CAMTA1: variants seen among roughly 807,000 people sequenced by gnomAD.
The protein encoded by CAMTA1 is calmodulin-binding transcription activator 1.
Under a neutral mutation model 170.9 loss-of-function variants are expected in CAMTA1, and 27 were observed. That is an observed-to-expected ratio of 0.16 (90% CI 0.12 to 0.22). The LOEUF (loss-of-function observed/expected upper bound fraction) is 0.22. Ranked by LOEUF, CAMTA1 falls within the 10% of genes least tolerant of loss-of-function variation. CAMTA1 has a pLI of 1.00. For synonymous variants in CAMTA1, 833 were observed against 891.5 expected (o/e 0.93, Z 1.17); for missense variants, 1,619 against 2,217.2 (o/e 0.73, Z 5.42).
rs556350108 is a variant in CAMTA1, at chr1:6,997,148, T to A, written c.235-94156T>A. The stretch of plus-strand genomic sequence containing the variant: ...CTTGTGGCTCAGTGCATGTTTAATT[T>A]TTTTGTGAATGTTCTACACGTACTC... On this transcript the variant is annotated intron_variant, in intron 3 of 22. Coordinates refer to ENST00000303635, the MANE Select transcript of CAMTA1 (RefSeq NM_015215.4). 1.2e-3 allele frequency among the ~76,000 whole-genome samples: 179 copies of A among 152,338 alleles called. 1 individual carries two copies. The highest frequency in any genetic ancestry group is 4.2e-3 in the African/African-American group (175 of 41,582).
chr1:7,182,709 A>T (rs897015310), intron 4 of CAMTA1, among the ~76,000 whole-genome samples: 2 of 152,208 alleles, frequency 1.3e-5, no homozygotes, highest in Non-Finnish European at 2.9e-5. Flanking sequence ...GTAAAGGGTT[A>T]ATATCCCTGA....
intron 5 of CAMTA1, among the ~76,000 whole-genome samples, chr1:7,424,934 C>T (rs2091792480): frequency 6.6e-6 from 1 of 152,020 alleles, no homozygotes; most frequent in Admixed American, 6.6e-5. Flanking sequence ...GTTGAGGGGA[C>T]AAGAAGGGAG....
At chr1:7,764,852 C>T (rs188871340) in intron 22 of CAMTA1, among the ~76,000 whole-genome samples, 5 of 151,718 alleles carry the variant, frequency 3.3e-5, no homozygotes, top group South Asian at 2.1e-4. Flanking sequence ...CCCAGCTACT[C>T]GGGAGGCTGA....
At chr1:7,338,257 C>T (rs1295516198) in intron 5 of CAMTA1, among the ~76,000 whole-genome samples, 1 of 151,986 alleles carries the variant, frequency 6.6e-6, no homozygotes, top group African/African-American at 2.4e-5. Context: ...AGAGAGTGCA[C>T]CCCCTTCCAC....
At chr1:7,573,964 G>A (rs2095157835) in intron 6 of CAMTA1, among the ~76,000 whole-genome samples, 1 of 151,848 alleles carries the variant, frequency 6.6e-6, no homozygotes, top group African/African-American at 2.4e-5. Context: ...AGTAGAGATG[G>A]GGTTTCACCC....
intron 6 of CAMTA1, among the ~76,000 whole-genome samples, chr1:7,586,563 C>G (rs2095311757): frequency 6.6e-6 from 1 of 152,188 alleles, no homozygotes; most frequent in African/African-American, 2.4e-5. Flanking sequence ...ACTGGCACCA[C>G]CCCGTCCCCA....
chr1:7,069,712 G>C (rs955311430), intron 3 of CAMTA1, among the ~76,000 whole-genome samples: 39 of 151,908 alleles, frequency 2.6e-4, no homozygotes, highest in African/African-American at 8.9e-4. Flanking sequence ...TGGGAACAGG[G>C]GACTGGCAGA....
chr1:7,009,695 C>T (rs1699517409), intron 3 of CAMTA1, among the ~76,000 whole-genome samples: 1 of 152,246 alleles, frequency 6.6e-6, no homozygotes, highest in Non-Finnish European at 1.5e-5. Context: ...CCGGTCCGGG[C>T]TGCACTCCCA....
intron 11 of CAMTA1, chr1:7,700,861 G>C (rs970559502): frequency 6.6e-6 from 1 of 152,232 alleles, no homozygotes; most frequent in Admixed American, 6.5e-5. Flanking sequence ...CATTTCCCTG[G>C]AGTGTATTGA....
chr1:7,562,179 C>T lies in CAMTA1; in HGVS notation c.511-78221C>T, dbSNP rs972026654. Among the ~76,000 whole-genome samples, 3 of 152,162 alleles carry T rather than the reference C, an allele frequency of 2.0e-5. No individual in the cohort carries two copies. The highest frequency in any genetic ancestry group is 4.4e-5 in the Non-Finnish European group (3 of 68,030). ...GTTGCAGCTGCCCAGTCCTGAGGCC[C>T]GGCACCCCAGCTCCGGCCCCTCCCA... is the stretch of plus-strand genomic sequence containing the variant. On this transcript the variant is annotated intron_variant, in intron 6 of 22. Transcript: ENST00000303635. This position sits in a 1 kb window ranked among gnomAD's most constrained non-coding sequence, Gnocchi z 4.8.
chr1:7,104,972 C>A (rs943506701), intron 4 of CAMTA1, among the ~76,000 whole-genome samples: 1 of 152,186 alleles, frequency 6.6e-6, no homozygotes. Flanking sequence ...TTTGGTTCTG[C>A]TCCTTCTAGA....
Position 7,399,527 on chromosome 1 carries a change from T to G in CAMTA1, c.439-68303T>G, listed in dbSNP as rs147642188. 4.8e-4 allele frequency among the ~76,000 whole-genome samples: 73 copies of G among 152,370 alleles called. 1 individual carries two copies. The East Asian group carries it at 0.014, about 29-fold the overall frequency. On this transcript the variant is annotated intron_variant, in intron 5 of 22. Transcript: ENST00000303635. ...GAAAAAGTATGTATCATCATTACAGTAATATAGTATTCTGAATTTGATAAC... is the reference window on the plus strand; with the variant it reads ...GAAAAAGTATGTATCATCATTACAGGAATATAGTATTCTGAATTTGATAAC...
At chr1:7,494,102 CA>C (rs1471721108) in intron 6 of CAMTA1, among the ~76,000 whole-genome samples, 1 of 149,864 alleles carries the variant, frequency 6.7e-6, no homozygotes, top group Non-Finnish European at 1.5e-5. Context: ...GTTTTTCTTT[CA>C]AGAGATGCAG....
chr1:7,425,015 A>G (rs2091800980), intron 5 of CAMTA1, among the ~76,000 whole-genome samples: 1 of 152,066 alleles, frequency 6.6e-6, no homozygotes, highest in African/African-American at 2.4e-5. Flanking sequence ...GGGGAATCCA[A>G]TCTGTGCCCT....
chr1:6,991,211 G>A (rs1696319897), intron 3 of CAMTA1, among the ~76,000 whole-genome samples: 2 of 152,114 alleles, frequency 1.3e-5, no homozygotes, highest in Non-Finnish European at 2.9e-5. Context: ...TTTTGTACAA[G>A]TCTTTTTTGG....
rs1474761603 is a variant in CAMTA1 at position 7,361,670 on chromosome 1, TG to T, written c.439-106155del. ...TGCAATAAATATTAACCTGGAAGGT[TG>T]GGGGTACATTAAACTTTTATGCATG... On this transcript the variant is annotated intron_variant, in intron 5 of 22. Transcript: ENST00000303635. Among the ~76,000 whole-genome samples, 7 of 152,200 alleles carry T rather than the reference TG, an allele frequency of 4.6e-5. No individual in the cohort carries two copies. In the East Asian group the frequency reaches 1.3e-3, roughly 29 times the overall value.
At position 7,565,115 on chromosome 1, in the gene CAMTA1, C is replaced by T. The variant is rs1429340912; in HGVS notation, c.511-75285C>T. Among the ~76,000 whole-genome samples the T allele has an allele frequency of 6.6e-6, 1 of 151,844 alleles. No homozygotes were observed. Among genetic ancestry groups the T allele is most frequent in the Non-Finnish European group, 1.5e-5 (1 of 67,954 alleles). ...GGTGCCAGGGGGCTCCCTGGGGAGACTCCTGCCAGTCACCTGTGCTACCTG... is the reference window on the plus strand; with the variant it reads ...GGTGCCAGGGGGCTCCCTGGGGAGATTCCTGCCAGTCACCTGTGCTACCTG... On this transcript the variant is annotated intron_variant, in intron 6 of 22. Coordinates refer to ENST00000303635, the MANE Select transcript of CAMTA1 (RefSeq NM_015215.4). The surrounding 1 kb of genome is among the most constrained non-coding windows in gnomAD (Gnocchi z 4.5).
chr1:6,956,213 C>G lies in CAMTA1; in HGVS notation c.234+131003C>G, dbSNP rs79850015. Among the ~76,000 whole-genome samples the G allele has an allele frequency of 8.1e-3, 1,232 of 152,288 alleles. 6 individuals are homozygous for G. The highest frequency in any genetic ancestry group is 0.012 in the Non-Finnish European group (845 of 68,004). ...TGCTCACTATGGTGGGGTCCCTGATCTCCTATCAGCACCCTAGTTTCTAGT... is the reference window on the plus strand; with the variant it reads ...TGCTCACTATGGTGGGGTCCCTGATGTCCTATCAGCACCCTAGTTTCTAGT... On this transcript the variant is annotated intron_variant, in intron 3 of 22. Coordinates refer to ENST00000303635, the MANE Select transcript of CAMTA1 (RefSeq NM_015215.4).
rs559209386 is a variant in CAMTA1 at position 7,515,018 on chromosome 1, A to T, written c.510+47117A>T. 3.3e-5 allele frequency among the ~76,000 whole-genome samples: 5 copies of T among 150,468 alleles called. No individual in the cohort carries two copies. In the East Asian group the frequency reaches 9.8e-4, roughly 29 times the overall value. ...AGGCCGGCCCTCCCCTGCTCCCTTC[A>T]CCTGGGATCATCAGGCTGGTCCTTC... On this transcript the variant is annotated intron_variant, in intron 6 of 22. Coordinates refer to ENST00000303635, the MANE Select transcript of CAMTA1 (RefSeq NM_015215.4).
Sources: gnomAD v4.1 joint callset for allele counts (sites outside exome capture counted in the v4.1 genomes callset) on GRCh38, gnomAD v4.1.1 for gene constraint, Gnocchi (gnomAD v3.1) non-coding constraint, MANE v1.5 for transcripts, NCBI Gene and HGNC (gene_info 2026-07-23, HGNC 2026-07-21) for gene names.